SLC16A2: variants seen among roughly 807,000 people sequenced by gnomAD.
The protein encoded by SLC16A2 is solute carrier family 16 member 2.
In SLC16A2, 3 loss-of-function variants were observed where a neutral mutation model predicts 27.2. That is an observed-to-expected ratio of 0.11 (90% CI 0.05 to 0.28). The LOEUF (loss-of-function observed/expected upper bound fraction) is 0.28. Among genes scored for constraint, SLC16A2 ranks in the 10% least tolerant of loss-of-function variants. The pLI is 1.00. For missense variants in SLC16A2, 295 were observed against 458.5 expected, an observed-to-expected ratio of 0.64 and a Z score of 3.26; for synonymous variants, 202 against 187.8, an observed-to-expected ratio of 1.08 and a Z score of -0.62.
At chrX:74,439,944 A>G (rs1928711793) in intron 1 of SLC16A2, among the ~76,000 whole-genome samples, 1 of 112,112 alleles carries the variant, frequency 8.9e-6, no homozygotes, top group Non-Finnish European at 1.9e-5. Flanking sequence ...CTCAAATCAA[A>G]TGGCAGAGTC....
At chrX:74,466,233 T>TA (rs750079540) in intron 1 of SLC16A2, among the ~76,000 whole-genome samples, 37 of 111,457 alleles carry the variant, frequency 3.3e-4, no homozygotes, top group African/African-American at 1.2e-3. Flanking sequence ...ACCTGGCTTC[T>TA]AAAAAGCTAT....
Position 74,506,906 on chromosome X carries a change from A to ATTAT in SLC16A2, c.431-14053_431-14050dup, listed in dbSNP as rs1204825066. Among the ~76,000 whole-genome samples the ATTAT allele has an allele frequency of 9.1e-3, 862 of 94,969 alleles. 13 individuals are homozygous for ATTAT. The highest frequency in any genetic ancestry group is 0.031 in the African/African-American group (809 of 25,961). 82.5% of individuals were successfully genotyped at this position (94,969 alleles called of 115,157 possible). ...TTCAGTGTTCTCATCTGTGATATTT[A>ATTAT]TTATTTATTTATTTATTTATTTATT... On this transcript the variant is annotated intron_variant, in intron 1 of 5. Coordinates refer to ENST00000587091, the MANE Select transcript of SLC16A2 (RefSeq NM_006517.5).
chrX:74,426,868 C>T (rs1458707808), intron 1 of SLC16A2, among the ~76,000 whole-genome samples: 1 of 112,101 alleles, frequency 8.9e-6, no homozygotes, highest in East Asian at 2.8e-4. Context: ...ACATCATTTC[C>T]CCACGTCATT....
chrX:74,437,667 G>T (rs1006968051), intron 1 of SLC16A2, among the ~76,000 whole-genome samples: 4 of 112,279 alleles, frequency 3.6e-5, no homozygotes, highest in South Asian at 3.7e-4. Flanking sequence ...CTCCAGACAG[G>T]TTTATTTGCT....
intron 1 of SLC16A2, among the ~76,000 whole-genome samples, chrX:74,496,251 AACAC>A (rs768625772): frequency 1.6e-4 from 10 of 64,174 alleles, no homozygotes; most frequent in South Asian, 6.4e-4. Flanking sequence ...GAAGACAGAA[AACAC>A]ACACACACAC....
intron 1 of SLC16A2, among the ~76,000 whole-genome samples, chrX:74,439,192 T>TTCTTTCTTTCTTTCTTTCTTTC (rs1273172256): frequency 2.0e-5 from 2 of 101,619 alleles, no homozygotes; most frequent in Middle Eastern, 4.8e-3. Flanking sequence ...TTCTTTTTCT[T>TTCTTTCTTTCTTTCTTTCTTTC]TCTTTCTTTC....
intron 1 of SLC16A2, among the ~76,000 whole-genome samples, chrX:74,506,559 GAGAGGTA>G (rs1930130246): frequency 9.0e-6 from 1 of 111,450 alleles, no homozygotes; most frequent in African/African-American, 3.3e-5. Context: ...GAGTTTGGCT[GAGAGGTA>G]AGTTGGGATT....
chrX:74,519,577 G>A (rs1283164157), intron 1 of SLC16A2, among the ~76,000 whole-genome samples: 17 of 104,962 alleles, frequency 1.6e-4, no homozygotes, highest in Non-Finnish European at 5.9e-5. Flanking sequence ...TTAGCCGGGC[G>A]TGGTGGCAGG....
intron 1 of SLC16A2, among the ~76,000 whole-genome samples, chrX:74,435,193 A>C (rs1928604054): frequency 9.1e-6 from 1 of 110,045 alleles, no homozygotes; most frequent in South Asian, 3.9e-4. Context: ...ACCCAATTGA[A>C]TTTCATCATG....
intron 1 of SLC16A2, among the ~76,000 whole-genome samples, chrX:74,501,758 C>T (rs1425128266): frequency 1.8e-5 from 2 of 111,470 alleles, no homozygotes; most frequent in Non-Finnish European, 1.9e-5. Context: ...CCTGTCTACC[C>T]TCCACAGGGA....
At chrX:74,484,877 T>C (rs1202132707) in intron 1 of SLC16A2, among the ~76,000 whole-genome samples, 1 of 111,922 alleles carries the variant, frequency 8.9e-6, no homozygotes, top group Non-Finnish European at 1.9e-5. Context: ...TTAATTGCTC[T>C]AGGCCAGATA....
intron 1 of SLC16A2, among the ~76,000 whole-genome samples, chrX:74,423,210 C>T (rs942177411): frequency 8.9e-6 from 1 of 112,124 alleles, no homozygotes; most frequent in Non-Finnish European, 1.9e-5. Context: ...AGGCTTGCTC[C>T]CTCTCGTGGC....
At chrX:74,501,590 G>GC (rs958905262) in intron 1 of SLC16A2, among the ~76,000 whole-genome samples, 2 of 111,057 alleles carry the variant, frequency 1.8e-5, no homozygotes, top group African/African-American at 3.3e-5. Flanking sequence ...TCTCTGGTGG[G>GC]CCCCCCCTCT....
chrX:74,494,811 GGTT>G (rs1353466795), intron 1 of SLC16A2, among the ~76,000 whole-genome samples: 19 of 111,062 alleles, frequency 1.7e-4, no homozygotes, highest in Non-Finnish European at 3.6e-4. Context: ...GACTGGGTCA[GGTT>G]GTTAACTCAT....
At chrX:74,480,744 G>A (rs1019552966) in intron 1 of SLC16A2, among the ~76,000 whole-genome samples, 4 of 111,892 alleles carry the variant, frequency 3.6e-5, no homozygotes, top group Admixed American at 9.5e-5. Flanking sequence ...TTGTCTAAAT[G>A]TCCTGGCTGA....
chrX:74,492,469 C>T (rs1929847366), intron 1 of SLC16A2, among the ~76,000 whole-genome samples: 1 of 110,624 alleles, frequency 9.0e-6, no homozygotes, highest in Admixed American at 9.6e-5. Flanking sequence ...AATCCCAGGA[C>T]CCTTGGGAGA....
At chrX:74,452,484 A>C (rs1928960747) in intron 1 of SLC16A2, among the ~76,000 whole-genome samples, 1 of 111,770 alleles carries the variant, frequency 8.9e-6, no homozygotes. Flanking sequence ...GAAGGTCACA[A>C]TAAGCATTTT....
chrX:74,527,341 G>A (rs1264694838), intron 4 of SLC16A2, among the ~76,000 whole-genome samples: 1 of 112,427 alleles, frequency 8.9e-6, no homozygotes, highest in Non-Finnish European at 1.9e-5. Flanking sequence ...TGAGTGTCTT[G>A]GGCCAAGAGC....
At chrX:74,518,599 A>G (rs192632593) in intron 1 of SLC16A2, among the ~76,000 whole-genome samples, 50 of 111,186 alleles carry the variant, frequency 4.5e-4, no homozygotes, top group African/African-American at 1.4e-3. Context: ...CAAGAAAAAA[A>G]AAAAAGAAAA....
Sources: allele counts gnomAD v4.1 joint callset (sites outside exome capture counted in the v4.1 genomes callset), GRCh38; gene constraint gnomAD v4.1.1; transcripts MANE v1.5; gene names NCBI Gene and HGNC (gene_info 2026-07-23, HGNC 2026-07-21).